Variants in EPPK1 observed in about 807,000 individuals in gnomAD.
EPPK1 encodes epiplakin.
For synonymous variants in EPPK1, 1,862 were observed against 1,721.2 expected (o/e 1.08, Z -2.03); for missense variants, 3,823 against 3,673.3 (o/e 1.04, Z -1.05).
At position 143,867,135 on chromosome 8, in the gene EPPK1, A is replaced by G. The variant is rs1424150460; in HGVS notation, c.6119T>C (p.Ile2040Thr). Residue 2040 changes from isoleucine to threonine, a missense_variant, in exon 2 of 2, where the codon ATC becomes ACC. By Grantham distance (89) the Ile-to-Thr change is moderately conservative. Coordinates refer to ENST00000615648, the MANE Select transcript of EPPK1 (RefSeq NM_031308.4). ...AYRRGCLHKDIYALISDQKHM... is the reference protein window; with the variant it reads ...AYRRGCLHKDTYALISDQKHM... ...CTTCTGGTCGGAAATGAGCGCATAG[A>G]TGTCCTTGTGCAGACAGCCCCGTCT... is the stretch of plus-strand genomic sequence containing the variant. 5.6e-6 allele frequency: 9 copies of G among 1,612,680 alleles called. No individual in the cohort carries two copies. Among genetic ancestry groups the G allele is most frequent in the African/African-American group, 2.7e-5 (2 of 74,880 alleles).
In EPPK1 at chr8:143,867,980, T is replaced by C; in HGVS notation, c.5274A>G (p.Gln1758=). The C allele has an allele frequency of 6.2e-7, 1 of 1,613,674 alleles. No individual in the cohort carries two copies. Among genetic ancestry groups the C allele is most frequent in the Non-Finnish European group, 8.5e-7 (1 of 1,179,978 alleles). ...CGTAGTTTTCTCCTTTCTTTATGAT[T>C]TGTAGCAGGTACAGGCCCGTCTCGG... ...EDPETGLYLL[Q]IIKKGENYVY... Residue 1758 remains glutamine (Q), a synonymous_variant, in exon 2 of 2, where the codon CAA becomes CAG. Transcript: ENST00000615648.
In EPPK1 at chr8:143,867,658, C is replaced by A. The variant is rs369677374; in HGVS notation, c.5596G>T (p.Asp1866Tyr). The part of the protein sequence containing the change: ...AADLFNSRVI[D>Y]QKTLHTLRVG... ...CGAAGTGTGTGCAGGGTCTTCTGAT[C>A]GATGACCCTGGAGTTGAACAGGTCT... Residue 1866 changes from aspartate to tyrosine, a missense_variant, in exon 2 of 2, where the codon GAT becomes TAT. Physicochemically the swap from Asp to Tyr is radical, Grantham distance 160. Transcript: ENST00000615648. 6.2e-7 allele frequency: 1 copy of A among 1,613,304 alleles called. No homozygotes were observed. Among genetic ancestry groups the A allele is most frequent in the Admixed American group, 1.7e-5 (1 of 60,006 alleles).
Position 143,857,922 on chromosome 8 carries a change from ACCCAG to A in EPPK1, c.*60_*64del. ...AAAAAAAAAAAAAAAAAAAAAAACA[ACCCAG>A]ACACACAAGTATGCCTCCACTTCTC... On this transcript the variant is annotated 3_prime_UTR_variant, in exon 2 of 2. Transcript: ENST00000615648. 1 of 800,510 alleles carries A rather than the reference ACCCAG, an allele frequency of 1.2e-6. No homozygotes were observed. The highest frequency in any genetic ancestry group is 1.8e-6 in the Non-Finnish European group (1 of 549,282). 49.6% of individuals were successfully genotyped at this position (800,510 alleles called of 1,614,324 possible). A position where few individuals can be genotyped will look rare whatever the true frequency, so the allele number is the denominator to read the frequency against.
chr8:143,874,929 G>A (rs575109022), intron 1 of EPPK1, among the ~76,000 whole-genome samples: 2 of 151,936 alleles, frequency 1.3e-5, no homozygotes, highest in East Asian at 1.9e-4. Context: ...TGCCAAACTC[G>A]ACAAATGCAT....
In EPPK1 at chr8:143,868,835, C is replaced by CA; in HGVS notation, c.4418dup (p.Leu1474AlafsTer8). 1 of 1,607,092 alleles carries CA rather than the reference C, an allele frequency of 6.2e-7. No individual in the cohort carries two copies. The highest frequency in any genetic ancestry group is 1.1e-5 in the South Asian group (1 of 90,928). ...TGTCAGCGCCAACGTATTCGGAGAGCAGCAGGTCCCAGAGTGACACGCTAC... is the reference window on the plus strand; with the variant it reads ...TGTCAGCGCCAACGTATTCGGAGAGCAAGCAGGTCCCAGAGTGACACGCTAC... On this transcript the variant is annotated frameshift_variant, in exon 2 of 2. Coordinates refer to ENST00000615648, the MANE Select transcript of EPPK1 (RefSeq NM_031308.4). LOFTEE classifies it low-confidence loss of function (END_TRUNC).
rs371108096 is a variant in EPPK1, at chr8:143,867,821, C to T, written c.5433G>A (p.Arg1811=). 1.9e-6 allele frequency: 3 copies of T among 1,613,574 alleles called. No homozygotes were observed. The highest frequency in any genetic ancestry group is 1.7e-6 in the Non-Finnish European group (2 of 1,179,862). ...SSPYFTEDRK[R]ELIQEYGAQS... ...GGGCTCCATACTCCTGGATGAGCTC[C>T]CGCTTCCTGTCCTCTGTGAAGTATG... The change falls in exon 2 of 2, where the codon CGG becomes CGA. Residue 1811 remains arginine (R), a synonymous_variant. Transcript: ENST00000615648.
Position 143,867,618 on chromosome 8 carries a change from C to T in EPPK1, c.5636G>A (p.Gly1879Glu), listed in dbSNP as rs782510299. The change falls in exon 2 of 2, where the codon GGG becomes GAG. Residue 1879 changes from glycine to glutamate, a missense_variant. Transcript: ENST00000615648. ...CTCCAGCGTGCTGAGTGCCTGTCCC[C>T]CAGTCCTCCCCACACGAAGTGTGTG... ...TLHTLRVGRT[G>E]GQALSTLECV... 5 of 1,613,292 alleles carry T rather than the reference C, an allele frequency of 3.1e-6. No individual in the cohort carries two copies. Among genetic ancestry groups the T allele is most frequent in the Admixed American group, 3.3e-5 (2 of 60,030 alleles).
chr8:143,866,460 G>A lies in EPPK1; in HGVS notation c.6794C>T (p.Ala2265Val), dbSNP rs1819109739. The change falls in exon 2 of 2, where the codon GCG becomes GTG. Residue 2265 changes from alanine (A) to valine (V), a missense_variant. By Grantham distance (64) the Ala-to-Val change is moderately conservative (BLOSUM62 0). Transcript: ENST00000615648. ...GATGACGAAGCCGGTGGCCGCCTGCGCCTCCAGCAGCACCAGGGCCGTGCC... is the reference window on the plus strand; with the variant it reads ...GATGACGAAGCCGGTGGCCGCCTGCACCTCCAGCAGCACCAGGGCCGTGCC... ...RPGTALVLLE[A>V]QAATGFVIDP... is the part of the protein sequence containing the mutation. 2.4e-5 allele frequency: 35 copies of A among 1,458,602 alleles called. No individual in the cohort carries two copies. The highest frequency in any genetic ancestry group is 2.9e-5 in the Non-Finnish European group (32 of 1,095,084). 90.4% of individuals were successfully genotyped at this position (1,458,602 alleles called of 1,614,324 possible).
Position 143,872,934 on chromosome 8 carries a change from T to A in EPPK1, c.320A>T (p.Glu107Val). ...AGCGGCCAGCAGCTTCTCCTTCAGC[T>A]CCAGCCCCACCAGACCCTGCTGCAG... ...KALQQGLVGLELKEKLLAAER... is the reference protein window; with the variant it reads ...KALQQGLVGLVLKEKLLAAER... The change falls in exon 2 of 2, where the codon GAG becomes GTG. Residue 107 changes from glutamate to valine, a missense_variant. By Grantham distance (121) the Glu-to-Val change is moderately radical (BLOSUM62 -2). Transcript: ENST00000615648. The A allele has an allele frequency of 6.2e-7, 1 of 1,610,086 alleles. No individual in the cohort carries two copies. The highest frequency in any genetic ancestry group is 8.5e-7 in the Non-Finnish European group (1 of 1,178,030).
Position 143,866,224 on chromosome 8 carries a change from C to A in EPPK1, c.7030G>T (p.Ala2344Ser). ...ACGGGGTCGATGACGCCGCCCGTGG[C>A]GATCTGGGCCTCCAGCAGGCGGATG... ...HGIRLLEAQIATGGVIDPVHS... is the reference protein window; with the variant it reads ...HGIRLLEAQISTGGVIDPVHS... The change falls in exon 2 of 2, where the codon GCC becomes TCC. Residue 2344 changes from alanine to serine, a missense_variant. Ala to Ser is a moderately conservative substitution (Grantham distance 99, BLOSUM62 1). Coordinates refer to ENST00000615648, the MANE Select transcript of EPPK1 (RefSeq NM_031308.4). The A allele has an allele frequency of 1.1e-5, 5 of 456,690 alleles. No individual in the cohort carries two copies. The highest frequency in any genetic ancestry group is 1.1e-4 in the South Asian group (5 of 45,870). 28.3% of individuals were successfully genotyped at this position (456,690 alleles called of 1,614,324 possible).
In EPPK1 at chr8:143,866,461, C is replaced by T; in HGVS notation, c.6793G>A (p.Ala2265Thr). ...ATGACGAAGCCGGTGGCCGCCTGCG[C>T]CTCCAGCAGCACCAGGGCCGTGCCG... ...RPGTALVLLEAQAATGFVIDP... is the reference protein window; with the variant it reads ...RPGTALVLLETQAATGFVIDP... Residue 2265 changes from alanine (A) to threonine (T), a missense_variant, in exon 2 of 2, where the codon GCG becomes ACG. By Grantham distance (58) the Ala-to-Thr change is moderately conservative (BLOSUM62 0). Transcript: ENST00000615648. The T allele has an allele frequency of 6.8e-7, 1 of 1,472,202 alleles. No homozygotes were observed. The allele number at this position is 1,472,202 out of a possible 1,614,324, so 91.2% of individuals were successfully genotyped here.
In EPPK1 at chr8:143,871,652, C is replaced by G. The variant is rs1819353699; in HGVS notation, c.1602G>C (p.Gly534=). 3 of 1,602,738 alleles carry G rather than the reference C, an allele frequency of 1.9e-6. No individual in the cohort carries two copies. Among genetic ancestry groups the G allele is most frequent in the Non-Finnish European group, 2.6e-6 (3 of 1,176,322 alleles). The part of the protein sequence containing the change: ...RAMLAQQYQE[G]TLSVEKLAAK... The stretch of plus-strand genomic sequence containing the variant: ...CGGCCAGCTTCTCCACGGAGAGGGT[C>G]CCTTCCTGGTACTGCTGGGCCAGCA... The change falls in exon 2 of 2, where the codon GGG becomes GGC. Residue 534 remains glycine, a synonymous_variant. Transcript: ENST00000615648.
In EPPK1 at chr8:143,873,153, G is replaced by A. The variant is rs782642241; in HGVS notation, c.101C>T (p.Thr34Met). Residue 34 changes from threonine to methionine, a missense_variant, in exon 2 of 2, where the codon ACG becomes ATG. Physicochemically the swap from Thr to Met is moderately conservative, Grantham distance 81. Transcript: ENST00000615648. Reference protein sequence around the residue: ...RAMAATLGAGTPPRPQARSIA... With the variant: ...RAMAATLGAGMPPRPQARSIA... ...GCTCCTGGCCTGGGGCCTGGGGGGC[G>A]TGCCGGCTCCCAGCGTGGCTGCCAT... The A allele has an allele frequency of 9.4e-6, 15 of 1,589,770 alleles. No homozygotes were observed. Among genetic ancestry groups the A allele is most frequent in the Middle Eastern group, 3.4e-4 (2 of 5,944 alleles).
intron 1 of EPPK1, 127 bp from the exon 2 acceptor site, chr8:143,873,425 G>A: frequency 1.7e-6 from 1 of 601,556 alleles, no homozygotes; most frequent in East Asian, 3.3e-5. Context: ...CAGCTAGAGT[G>A]TCCCCGAGGA....
At position 143,867,836 on chromosome 8, in the gene EPPK1, T is replaced by C; in HGVS notation, c.5418A>G (p.Thr1806=). 2 of 1,613,520 alleles carry C rather than the reference T, an allele frequency of 1.2e-6. No individual in the cohort carries two copies. The highest frequency in any genetic ancestry group is 1.6e-4 in the Middle Eastern group (1 of 6,062). Reference sequence around the variant, plus strand: ...GGATGAGCTCCCGCTTCCTGTCCTCTGTGAAGTATGGAGAGGACAGCAGGT... The same window carrying C: ...GGATGAGCTCCCGCTTCCTGTCCTCCGTGAAGTATGGAGAGGACAGCAGGT... ...FWDLLSSPYF[T]EDRKRELIQE... is the part of the protein sequence containing the mutation. Residue 1806 remains threonine (T), a synonymous_variant, in exon 2 of 2, where the codon ACA becomes ACG. Coordinates refer to ENST00000615648, the MANE Select transcript of EPPK1 (RefSeq NM_031308.4).
In EPPK1 at chr8:143,866,675, C is replaced by G. The variant is rs377540656; in HGVS notation, c.6579G>C (p.Thr2193=). The change falls in exon 2 of 2, where the codon ACG becomes ACC. Residue 2193 remains threonine, a synonymous_variant. Coordinates refer to ENST00000615648, the MANE Select transcript of EPPK1 (RefSeq NM_031308.4). The part of the protein sequence containing the change: ...ASELLSSAII[T]EEMLQDLETG... ...TTTCCAGGTCCTGGAGCATTTCCTC[C>G]GTGATTATGGCTGAGCTGAGGAGTT... is the stretch of plus-strand genomic sequence containing the variant. The G allele has an allele frequency of 6.2e-7, 1 of 1,613,234 alleles. No homozygotes were observed.
In EPPK1 at chr8:143,868,670, C is replaced by T; in HGVS notation, c.4584G>A (p.Val1528=). ...GCGCCCTGAACAGGTCCCTGGCTGA[C>T]ACCTGCTTCCGGAGCCCTCTGAAGG... ...QATFRGLRKQ[V]SARDLFRAQL... is the part of the protein sequence containing the mutation. The change falls in exon 2 of 2, where the codon GTG becomes GTA. Residue 1528 remains valine, a synonymous_variant. Transcript: ENST00000615648. 1 of 1,583,050 alleles carries T rather than the reference C, an allele frequency of 6.3e-7. No individual in the cohort carries two copies. The highest frequency in any genetic ancestry group is 1.3e-5 in the African/African-American group (1 of 74,256).
At position 143,869,180 on chromosome 8, in the gene EPPK1, C is replaced by T. The variant is rs782047958; in HGVS notation, c.4074G>A (p.Val1358=). 4 of 1,608,786 alleles carry T rather than the reference C, an allele frequency of 2.5e-6. No individual in the cohort carries two copies. In the East Asian group the frequency reaches 6.7e-5, roughly 27 times the overall value. ...PQNEGLPLLQ[V]QLATGGVVDP... is the part of the protein sequence containing the mutation. Reference sequence around the variant, plus strand: ...CCACCACACCCCCTGTGGCCAGCTGCACCTGCAGGAGGGGCAAGCCCTCGT... The same window carrying T: ...CCACCACACCCCCTGTGGCCAGCTGTACCTGCAGGAGGGGCAAGCCCTCGT... The change falls in exon 2 of 2, where the codon GTG becomes GTA. Residue 1358 remains valine, a synonymous_variant. Transcript: ENST00000615648.
rs782794430 is a variant in EPPK1 at position 143,872,452 on chromosome 8, C to T, written c.802G>A (p.Ala268Thr). 17 of 1,595,140 alleles carry T rather than the reference C, an allele frequency of 1.1e-5. No individual in the cohort carries two copies. The highest frequency in any genetic ancestry group is 1.6e-4 in the Middle Eastern group (1 of 6,062). ...TCGGCACGTGCACTCACGTCCACTG[C>T]GGCCAGCCTGCCCTCCCGCAGACCC... is the stretch of plus-strand genomic sequence containing the variant. ...VQGLREGRLA[A>T]VDVSARAEVR... Residue 268 changes from alanine (A) to threonine (T), a missense_variant, in exon 2 of 2, where the codon GCA (alanine) becomes ACA (threonine). Coordinates refer to ENST00000615648, the MANE Select transcript of EPPK1 (RefSeq NM_031308.4).
Sources: gnomAD v4.1 joint callset for allele counts (sites outside exome capture counted in the v4.1 genomes callset) on GRCh38, gnomAD v4.1.1 for gene constraint, MANE v1.5 for transcripts, NCBI Gene and HGNC (gene_info 2026-07-23, HGNC 2026-07-21) for gene names.